The following PDLIM7 variants were observed in gnomAD, a reference collection of about 807,000 sequenced individuals.
PDLIM7 encodes PDZ and LIM domain protein 7.
Under a neutral mutation model 53.9 loss-of-function variants are expected in PDLIM7, and 37 were observed. The observed-to-expected ratio is 0.69, with a 90% CI of 0.53 to 0.90. PDLIM7 has a LOEUF of 0.90. PDLIM7 is among the 40% of genes least tolerant of loss of function. The pLI, the probability that PDLIM7 is intolerant of heterozygous loss-of-function variation, is 0.00. For missense variants in PDLIM7, 617 were observed against 638.5 expected (o/e 0.97, Z 0.36); for synonymous variants, 300 against 261.3 (o/e 1.15, Z -1.43).
rs201762199 is a variant in PDLIM7 at position 177,489,861 on chromosome 5, A to G, written c.573-29T>C. The G allele has an allele frequency of 1.7e-4, 273 of 1,568,044 alleles. 1 individual carries two copies. Among genetic ancestry groups the G allele is most frequent in the Non-Finnish European group, 3.5e-5 (40 of 1,158,402 alleles). On this transcript the variant is annotated intron_variant, in intron 7 of 12. Transcript: ENST00000355841. ...CAAGATCTGCCATTCAAGGCCCTGC[A>G]TGGCTGAGCTTCCTGACATGGCCCC...
chr5:177,486,577 G>A (rs947872368), intron 10 of PDLIM7, among the ~76,000 whole-genome samples: 1 of 150,244 alleles, frequency 6.7e-6, no homozygotes, highest in Non-Finnish European at 1.5e-5. Flanking sequence ...GGTGGGAGAG[G>A]GGGCTCTACC....
chr5:177,490,423 C>T, intron 7 of PDLIM7: 1 of 1,519,016 alleles, frequency 6.6e-7, no homozygotes, highest in Non-Finnish European at 8.8e-7. Flanking sequence ...AAGCTGGAGG[C>T]ACTAAGGGGG....
intron 5 of PDLIM7, chr5:177,491,542 A>G (rs1758783264): frequency 1.2e-6 from 1 of 829,148 alleles, no homozygotes; most frequent in African/African-American, 1.7e-5. Context: ...TCTGGGGCTC[A>G]GCTGGCCCGA....
Position 177,491,469 on chromosome 5 carries a change from A to G in PDLIM7, c.399-323T>C, listed in dbSNP as rs185691519. On this transcript the variant is annotated intron_variant, in intron 5 of 12. Coordinates refer to ENST00000355841, the MANE Select transcript of PDLIM7 (RefSeq NM_005451.5). ...GACAGATAAAGGGACAAAGGGACAG[A>G]CACAGGAGAGGAAGAAAGACGGGGA... 296 of 1,436,002 alleles carry G rather than the reference A, an allele frequency of 2.1e-4. 1 individual carries two copies. In the African/African-American group the frequency reaches 3.5e-3, roughly 17 times the overall value. 89.0% of individuals were successfully genotyped at this position (1,436,002 alleles called of 1,614,324 possible).
Position 177,489,635 on chromosome 5 carries a change from G to A in PDLIM7, c.635-8C>T. On this transcript the variant is annotated splice_polypyrimidine_tract_variant and splice_region_variant and intron_variant, in intron 8 of 12. Coordinates refer to ENST00000355841, the MANE Select transcript of PDLIM7 (RefSeq NM_005451.5). ...GGCTGGGGGCGGTAGGGCCTGCCGG[G>A]GAAAGTGACTCTAAAGGGGTGCCCA... The A allele has an allele frequency of 6.3e-7, 1 of 1,577,756 alleles. No individual in the cohort carries two copies. The highest frequency in any genetic ancestry group is 8.6e-7 in the Non-Finnish European group (1 of 1,164,800).
At chr5:177,484,289 TCGCGGTAAA>T (rs775121992) in intron 10 of PDLIM7, 99 bp from the exon 11 acceptor site, 10 of 1,470,214 alleles carry the variant, frequency 6.8e-6, no homozygotes, top group Non-Finnish European at 9.3e-6. Context: ...CTGTTCCTTC[TCGCGGTAAA>T]CACTACATCT....
At position 177,488,086 on chromosome 5, in the gene PDLIM7, G is replaced by C. The variant is rs771938177; in HGVS notation, c.1032C>G (p.Cys344Trp). ...TACTCACGCCTGTAATCTTCTTCTTGCACTTGGCACAGCTGGGTGCATAGC... is the reference window on the plus strand; with the variant it reads ...TACTCACGCCTGTAATCTTCTTCTTCCACTTGGCACAGCTGGGTGCATAGC... ...DVRYAPSCAK[C>W]KKKITGEIMH... Residue 344 changes from cysteine (C) to tryptophan (W), a missense_variant, in exon 10 of 13, where the codon TGC becomes TGG. Transcript: ENST00000355841. 1 of 1,602,294 alleles carries C rather than the reference G, an allele frequency of 6.2e-7. No homozygotes were observed. Among genetic ancestry groups the C allele is most frequent in the Non-Finnish European group, 8.5e-7 (1 of 1,173,946 alleles).
intron 10 of PDLIM7, among the ~76,000 whole-genome samples, chr5:177,486,314 C>T (rs769817441): frequency 4.6e-5 from 7 of 152,190 alleles, no homozygotes; most frequent in African/African-American, 7.2e-5. Context: ...ATGTAGCCTT[C>T]GGATGGTGCA....
intron 7 of PDLIM7, chr5:177,490,526 AGCGC>A: frequency 6.4e-7 from 1 of 1,565,256 alleles, no homozygotes; most frequent in South Asian, 1.2e-5. Context: ...ACGTGGGCAG[AGCGC>A]TGGTGGTGCC....
Position 177,491,785 on chromosome 5 carries a change from G to A in PDLIM7, c.398+22C>T, listed in dbSNP as rs2306762. On this transcript the variant is annotated intron_variant, in intron 5 of 12. Transcript: ENST00000355841. ...ACAGTGGGCCTGATGGCGTGGGCGC[G>A]GGCGGGCAGGGGCCGACGTACCCAT... is the stretch of plus-strand genomic sequence containing the variant. 78 of 1,143,458 alleles carry A rather than the reference G, an allele frequency of 6.8e-5. No individual in the cohort carries two copies. The East Asian group carries it at 1.3e-3, about 19-fold the overall frequency. 70.8% of individuals were successfully genotyped at this position (1,143,458 alleles called of 1,614,324 possible). A position where few individuals can be genotyped will look rare whatever the true frequency, so the allele number is the denominator to read the frequency against.
intron 10 of PDLIM7, among the ~76,000 whole-genome samples, chr5:177,487,577 C>G (rs545816030): frequency 4.6e-5 from 7 of 152,260 alleles, no homozygotes; most frequent in African/African-American, 1.7e-4. Context: ...CCAGACCACC[C>G]ACCCCGGGAT....
chr5:177,497,430 A>C (rs1759149928), intron 1 of PDLIM7, 98 bp downstream of exon 1: 1 of 152,120 alleles, frequency 6.6e-6, no homozygotes, highest in South Asian at 2.1e-4. Flanking sequence ...GGGAGGAAGC[A>C]CAGCCTGGAC....
At chr5:177,493,669 C>G (rs1257176622) in intron 2 of PDLIM7, among the ~76,000 whole-genome samples, 1 of 152,218 alleles carries the variant, frequency 6.6e-6, no homozygotes, top group Non-Finnish European at 1.5e-5. Context: ...CCTGATAAAC[C>G]CCTTCCAGGC....
At position 177,496,420 on chromosome 5, in the gene PDLIM7, G is replaced by T. The variant is rs1759074022; in HGVS notation, c.93C>A (p.Ser31=). ...GKDFNVPLSI[S]RLTPGGKAAQ... ...CCCTCCCCAAACCTAGGCTCACCCG[G>T]GAAATGGAGAGGGGCACATTGAAGT... is the stretch of plus-strand genomic sequence containing the variant. The change falls in exon 2 of 13, where the codon TCC becomes TCA. Residue 31 remains serine (S), a synonymous_variant. Coordinates refer to ENST00000355841, the MANE Select transcript of PDLIM7 (RefSeq NM_005451.5). 6.3e-7 allele frequency: 1 copy of T among 1,591,916 alleles called. No individual in the cohort carries two copies. The highest frequency in any genetic ancestry group is 1.4e-5 in the African/African-American group (1 of 73,892).
Position 177,497,579 on chromosome 5 carries a change from T to C in PDLIM7, c.-63A>G, listed in dbSNP as rs530248675. ...CTGCGTCGGGCTCCAGGGAGCCTCGTTGGGATCGGCCGCCAGTGTTCTGAC... is the reference window on the plus strand; with the variant it reads ...CTGCGTCGGGCTCCAGGGAGCCTCGCTGGGATCGGCCGCCAGTGTTCTGAC... On this transcript the variant is annotated 5_prime_UTR_variant, in exon 1 of 13. Coordinates refer to ENST00000355841, the MANE Select transcript of PDLIM7 (RefSeq NM_005451.5). 3 of 152,372 alleles carry C rather than the reference T, an allele frequency of 2.0e-5. No homozygotes were observed. Among genetic ancestry groups the C allele is most frequent in the Admixed American group, 6.5e-5 (1 of 15,308 alleles). The allele number at this position is 152,372 out of a possible 1,614,324, so 9.4% of individuals were successfully genotyped here. A position where few individuals can be genotyped will look rare whatever the true frequency, so the allele number is the denominator to read the frequency against.
In PDLIM7 at chr5:177,484,178, C is replaced by A; in HGVS notation, c.1063G>T (p.Ala355Ser). ...KKKITGEIMH[A>S]LKMTWHVHCF... ...TGCACGTGCCAGGTCATCTTCAGGGCGTGCATGATCTCCTGGAAGGAGGTC... is the reference window on the plus strand; with the variant it reads ...TGCACGTGCCAGGTCATCTTCAGGGAGTGCATGATCTCCTGGAAGGAGGTC... Residue 355 changes from alanine (A) to serine (S), a missense_variant, in exon 11 of 13, where the codon GCC becomes TCC. Ala to Ser is a moderately conservative substitution (Grantham distance 99). Transcript: ENST00000355841. 1 of 1,613,492 alleles carries A rather than the reference C, an allele frequency of 6.2e-7. No individual in the cohort carries two copies. Among genetic ancestry groups the A allele is most frequent in the Non-Finnish European group, 8.5e-7 (1 of 1,179,956 alleles).
At chr5:177,489,307 G>A (rs984801098) in intron 9 of PDLIM7, 86 bp downstream of exon 9, 27 of 1,023,448 alleles carry the variant, frequency 2.6e-5, no homozygotes, top group African/African-American at 1.6e-4. Context: ...CCCCCCAGTC[G>A]CAGCTGAGGC....
At chr5:177,484,423 A>C in intron 10 of PDLIM7, 8 of 498,282 alleles carry the variant, frequency 1.6e-5, no homozygotes, top group Admixed American at 7.1e-5. Context: ...CTCACCCCAA[A>C]CCTCTCCTCC....
At chr5:177,488,913 C>CA (rs1387079014) in intron 9 of PDLIM7, among the ~76,000 whole-genome samples, 1 of 150,516 alleles carries the variant, frequency 6.6e-6, no homozygotes, top group Non-Finnish European at 1.5e-5. Flanking sequence ...AAAGAGCTGA[C>CA]AGAGATGAGA....
Sources: gnomAD v4.1 joint callset for allele counts (sites outside exome capture counted in the v4.1 genomes callset) on GRCh38, gnomAD v4.1.1 for gene constraint, MANE v1.5 for transcripts, NCBI Gene and HGNC (gene_info 2026-07-23, HGNC 2026-07-21) for gene names.